Variants in STARD9 observed in about 807,000 individuals in gnomAD.
The protein encoded by STARD9 is stAR-related lipid transfer protein 9.
Under a neutral mutation model 399.8 loss-of-function variants are expected in STARD9, and 346 were observed. The observed-to-expected ratio is 0.87, with a 90% CI of 0.79 to 0.95. The LOEUF is 0.95. Ranked by LOEUF, STARD9 falls within the 40% of genes least tolerant of loss-of-function variation. STARD9 has a pLI of 0.00. For synonymous variants in STARD9, 2,203 were observed against 2,143.5 expected, an observed-to-expected ratio of 1.03 and a Z score of -0.77; for missense variants, 5,832 against 5,667.5, an observed-to-expected ratio of 1.03 and a Z score of -0.93.
intron 3 of STARD9, among the ~76,000 whole-genome samples, chr15:42,610,581 TCTTGTC>T (rs1013239076): frequency 1.3e-5 from 2 of 152,202 alleles, no homozygotes; most frequent in African/African-American, 4.8e-5. Context: ...AGAGTCTCAC[TCTTGTC>T]GCCCAGGCTG....
chr15:42,669,487 A>G (rs143824309), intron 16 of STARD9, 150 bp downstream of exon 16: 41 of 609,784 alleles, frequency 6.7e-5, no homozygotes, highest in African/African-American at 2.7e-4. Context: ...GGAAACGTCT[A>G]CCTGACAAAT....
At chr15:42,646,639 A>G (rs1412375526) in intron 7 of STARD9, among the ~76,000 whole-genome samples, 2 of 152,216 alleles carry the variant, frequency 1.3e-5, no homozygotes, top group Non-Finnish European at 2.9e-5. Context: ...TTCTAACCAT[A>G]CTGTAAAAAC....
chr15:42,608,345 A>G (rs1357650075), intron 3 of STARD9, among the ~76,000 whole-genome samples: 1 of 152,164 alleles, frequency 6.6e-6, no homozygotes, highest in Non-Finnish European at 1.5e-5. Flanking sequence ...AGATGAACAC[A>G]TAACTAATCT....
intron 7 of STARD9, among the ~76,000 whole-genome samples, chr15:42,649,828 A>C (rs1566903445): frequency 6.9e-6 from 1 of 144,676 alleles, no homozygotes; most frequent in Non-Finnish European, 1.5e-5. Flanking sequence ...CCAAAGTAGT[A>C]CTGGGATTAC....
At chr15:42,718,543 G>A in intron 31 of STARD9, 29 bp downstream of exon 31, 1 of 1,531,278 alleles carries the variant, frequency 6.5e-7, no homozygotes, top group Non-Finnish European at 8.8e-7. Flanking sequence ...AAGATGTTGT[G>A]GGAAGAACTT....
chr15:42,576,994 G>A (rs1013303214), intron 1 of STARD9, among the ~76,000 whole-genome samples: 1 of 152,120 alleles, frequency 6.6e-6, no homozygotes, highest in Non-Finnish European at 1.5e-5. Flanking sequence ...GGTAGCTCAG[G>A]GCTGGGGGGG....
chr15:42,626,206 G>A (rs1202964604), intron 3 of STARD9, among the ~76,000 whole-genome samples: 8 of 152,110 alleles, frequency 5.3e-5, no homozygotes, highest in African/African-American at 1.9e-4. Flanking sequence ...TTACAGGCAT[G>A]AGCCACCACA....
chr15:42,597,111 T>C (rs956986034), intron 3 of STARD9, among the ~76,000 whole-genome samples: 2 of 152,218 alleles, frequency 1.3e-5, no homozygotes, highest in Non-Finnish European at 2.9e-5. Flanking sequence ...ATTTTGTTTG[T>C]TTGAGACAAG....
chr15:42,695,842 C>A lies in STARD9; in HGVS notation c.13246C>A (p.Pro4416Thr). Residue 4416 changes from proline to threonine, a missense_variant, in exon 26 of 33, where the codon CCA becomes ACA. Pro to Thr is a conservative substitution (Grantham distance 38, BLOSUM62 -1). Coordinates refer to ENST00000290607, the MANE Select transcript of STARD9 (RefSeq NM_020759.3). ...SGMTSGYNSS[P>T]ALSGQLQFPE... ...CATGACCTCTGGCTATAATAGCAGC[C>A]CAGCCTTGTCAGGCCAGCTCCAGTT... 6.5e-7 allele frequency: 1 copy of A among 1,537,220 alleles called. No homozygotes were observed. Among genetic ancestry groups the A allele is most frequent in the East Asian group, 2.4e-5 (1 of 40,912 alleles).
chr15:42,584,014 T>G (rs2058225252), intron 2 of STARD9, among the ~76,000 whole-genome samples: 4 of 152,034 alleles, frequency 2.6e-5, no homozygotes, highest in Admixed American at 2.6e-4. Flanking sequence ...TCAGTCTCCC[T>G]TAGGGCTAAT....
At chr15:42,603,081 G>C (rs547612239) in intron 3 of STARD9, among the ~76,000 whole-genome samples, 1 of 152,098 alleles carries the variant, frequency 6.6e-6, no homozygotes, top group African/African-American at 2.4e-5. Flanking sequence ...GATAAAGTTT[G>C]AGGTGGTTGT....
At chr15:42,641,281 C>G (rs2059531371) in intron 7 of STARD9, among the ~76,000 whole-genome samples, 1 of 152,146 alleles carries the variant, frequency 6.6e-6, no homozygotes, top group African/African-American at 2.4e-5. Context: ...AATAAAAAAT[C>G]TCTTAGATTC....
intron 20 of STARD9, among the ~76,000 whole-genome samples, chr15:42,679,410 A>G (rs1447260089): frequency 2.0e-5 from 3 of 152,306 alleles, no homozygotes; most frequent in South Asian, 4.1e-4. Flanking sequence ...CACAGCAATC[A>G]GTGCCAGTCT....
intron 3 of STARD9, among the ~76,000 whole-genome samples, chr15:42,614,732 C>T (rs758653880): frequency 6.6e-6 from 1 of 152,030 alleles, no homozygotes; most frequent in Non-Finnish European, 1.5e-5. Context: ...TTTGGGAGGC[C>T]GAGGTGGGCA....
At chr15:42,601,206 C>T (rs532103716) in intron 3 of STARD9, among the ~76,000 whole-genome samples, 1 of 152,238 alleles carries the variant, frequency 6.6e-6, no homozygotes, top group South Asian at 2.1e-4. Flanking sequence ...TTAACAGCAT[C>T]CCAAGGCAGA....
intron 3 of STARD9, among the ~76,000 whole-genome samples, chr15:42,592,395 A>G (rs557449985): frequency 1.3e-5 from 2 of 151,884 alleles, no homozygotes; most frequent in African/African-American, 4.8e-5. Flanking sequence ...TGTCTTGTCC[A>G]TTACTCCTTG....
At position 42,690,535 on chromosome 15, in the gene STARD9, C is replaced by A; in HGVS notation, c.8957C>A (p.Pro2986His). 2.0e-6 allele frequency: 3 copies of A among 1,537,166 alleles called. No homozygotes were observed. Among genetic ancestry groups the A allele is most frequent in the Non-Finnish European group, 2.6e-6 (3 of 1,146,888 alleles). The change falls in exon 23 of 33, where the codon CCT becomes CAT. Residue 2986 changes from proline to histidine, a missense_variant. By Grantham distance (77) the Pro-to-His change is moderately conservative. Around this residue, in one of 2 missense-constraint regions of STARD9, gnomAD observed 5,828 missense variants for 5,651.1 expected, o/e 1.03. Transcript: ENST00000290607. The part of the protein sequence containing the change: ...CFRDGDLGKE[P>H]FKAAPHTIHP... ...AGAGATGGTGACCTAGGGAAGGAGC[C>A]TTTCAAGGCTGCCCCACATACTATC...
intron 3 of STARD9, among the ~76,000 whole-genome samples, chr15:42,613,010 A>AG (rs2058885881): frequency 6.7e-6 from 1 of 148,946 alleles, no homozygotes. Flanking sequence ...AAAAAAAAAA[A>AG]GAGCAACATC....
intron 3 of STARD9, among the ~76,000 whole-genome samples, chr15:42,626,309 CTCTTCCTCT>C (rs2059211989): frequency 7.0e-6 from 1 of 142,114 alleles, no homozygotes; most frequent in Non-Finnish European, 1.5e-5. Flanking sequence ...CCCCTTCTTC[CTCTTCCTCT>C]TCTTCCTCCT....
Sources: allele counts gnomAD v4.1 joint callset (sites outside exome capture counted in the v4.1 genomes callset), GRCh38; gene constraint gnomAD v4.1.1; regional missense constraint gnomAD v4.1.1; transcripts MANE v1.5; gene names NCBI Gene and HGNC (gene_info 2026-07-23, HGNC 2026-07-21).